The following EXOC7 variants were observed in gnomAD, a reference collection of about 807,000 sequenced individuals.
EXOC7 encodes the protein exocyst complex component Exo70.
EXOC7 carries 51 observed loss-of-function variants against 87.6 expected under a neutral mutation model. The observed-to-expected ratio is 0.58, with a 90% confidence interval of 0.46 to 0.73. EXOC7 has a LOEUF of 0.73. EXOC7 is among the 30% of genes least tolerant of loss of function. The pLI, the probability that EXOC7 is intolerant of heterozygous loss-of-function variation, is 0.00. For missense variants in EXOC7, 744 were observed against 888.4 expected (o/e 0.84, Z 2.07); for synonymous variants, 327 against 357.1 (o/e 0.92, Z 0.95).
At position 76,083,391 on chromosome 17, in the gene EXOC7, G is replaced by GC; in HGVS notation, c.*256dup. ...CCTTCTCTCTTTTCCTGTTTCAGAA[G>GC]CCATCAGGGTCATAAAAGCCAAGGT... On this transcript the variant is annotated 3_prime_UTR_variant, in exon 19 of 19. Transcript: ENST00000589210. 2.0e-6 allele frequency: 1 copy of GC among 492,348 alleles called. No homozygotes were observed. The highest frequency in any genetic ancestry group is 3.7e-6 in the Non-Finnish European group (1 of 270,192). The allele number at this position is 492,348 out of a possible 1,614,324, so 30.5% of individuals were successfully genotyped here.
rs1049520943 is a variant in EXOC7, at chr17:76,081,831, G to C, written c.*1817C>G. ...CTGGTGCTCAGCTCGCTGGGCACCA[G>C]AGACACAGGGACTGGCCCCTGAGCA... On this transcript the variant is annotated 3_prime_UTR_variant, in exon 19 of 19. Transcript: ENST00000589210. 11 of 1,610,440 alleles carry C rather than the reference G, an allele frequency of 6.8e-6. No individual in the cohort carries two copies. The highest frequency in any genetic ancestry group is 9.3e-6 in the Non-Finnish European group (11 of 1,177,508).
At chr17:76,103,223 T>C in intron 2 of EXOC7, 138 bp downstream of exon 2, 1 of 742,190 alleles carries the variant, frequency 1.3e-6, no homozygotes, top group Non-Finnish European at 2.3e-6. Context: ...GCCAAACTGT[T>C]GCTAGATAAA....
In EXOC7 at chr17:76,103,383, C is replaced by T; in HGVS notation, c.104G>A (p.Ser35Asn). Residue 35 changes from serine to asparagine, a missense_variant, in exon 2 of 19, where the codon AGC becomes AAC. Transcript: ENST00000589210. ...CACCATGTTCTTAGTGAGCTGGTCG[C>T]TCTTCTCCAGGCTGTCTCGGATGAA... ...LSFIRDSLEK[S>N]DQLTKNMVSI... The T allele has an allele frequency of 1.9e-6, 3 of 1,606,510 alleles. No individual in the cohort carries two copies. Among genetic ancestry groups the T allele is most frequent in the Non-Finnish European group, 1.7e-6 (2 of 1,176,646 alleles).
chr17:76,089,637 G>A (rs912813921), intron 7 of EXOC7: 35 of 414,372 alleles, frequency 8.4e-5, no homozygotes, highest in Non-Finnish European at 1.4e-5. Flanking sequence ...TCCTGGATAA[G>A]GTGGTTTGAC....
At chr17:76,089,027 G>C in intron 8 of EXOC7, 104 bp from the exon 9 acceptor site, 2 of 1,467,552 alleles carry the variant, frequency 1.4e-6, no homozygotes, top group Middle Eastern at 1.9e-4. Flanking sequence ...TGTGCAGGAA[G>C]AGGGGTGACG....
At chr17:76,101,602 T>G in intron 3 of EXOC7, 77 bp downstream of exon 3, 1 of 1,501,288 alleles carries the variant, frequency 6.7e-7, no homozygotes. Context: ...GCCTCCCAAA[T>G]TGTTGGGATT....
chr17:76,099,321 C>T (rs905713680), intron 4 of EXOC7, among the ~76,000 whole-genome samples: 4 of 152,162 alleles, frequency 2.6e-5, no homozygotes, highest in African/African-American at 9.7e-5. Context: ...GCCTGGCCAA[C>T]ATGGTGAAAC....
At chr17:76,090,576 C>G in intron 7 of EXOC7, 1 of 1,239,524 alleles carries the variant, frequency 8.1e-7, no homozygotes, top group Non-Finnish European at 1.1e-6. Flanking sequence ...ACCTTGGGAA[C>G]AGCCGTTTCA....
chr17:76,088,166 C>T, intron 10 of EXOC7, 44 bp from the exon 11 acceptor site: 9 of 1,594,368 alleles, frequency 5.6e-6, no homozygotes, highest in East Asian at 2.2e-5. Context: ...GCCCCCAGCC[C>T]ACCCCATGCC....
chr17:76,088,353 G>T, intron 10 of EXOC7, 111 bp downstream of exon 10: 1 of 1,147,664 alleles, frequency 8.7e-7, no homozygotes, highest in South Asian at 1.4e-5. Context: ...GGCGCAGCTG[G>T]CTGCCCCGGG....
rs377287252 is a variant in EXOC7 at position 76,097,922 on chromosome 17, C to A, written c.514G>T (p.Asp172Tyr). ...AGATCATCGTCACCACTGATCAGAT[C>A]CAAGATGAGCACGGGCGAGACGACC... ...SKVVSPVLIL[D>Y]LISGDDDLEA... The change falls in exon 5 of 19, where the codon GAT becomes TAT. Residue 172 changes from aspartate (D) to tyrosine (Y), a missense_variant. Transcript: ENST00000589210. 1.2e-4 allele frequency: 191 copies of A among 1,614,038 alleles called. 1 individual carries two copies. In the Middle Eastern group the frequency reaches 1.5e-3, roughly 13 times the overall value.
rs958598245 is a variant in EXOC7 at position 76,089,025 on chromosome 17, A to G, written c.1048-102T>C. ...GTATGTAGGGGGGCCAGTGTGCAGG[A>G]AGAGGGGTGACGGGGAGGTGGTGAG... On this transcript the variant is annotated intron_variant, in intron 8 of 18. Coordinates refer to ENST00000589210, the MANE Select transcript of EXOC7 (RefSeq NM_001013839.4). 27 of 1,467,900 alleles carry G rather than the reference A, an allele frequency of 1.8e-5. No homozygotes were observed. The Admixed American group carries it at 4.6e-4, about 25-fold the overall frequency. The allele number at this position is 1,467,900 out of a possible 1,614,324, so 90.9% of individuals were successfully genotyped here.
rs761306560 is a variant in EXOC7, at chr17:76,084,336, G to A, written c.1777-47C>T. 2.0e-5 allele frequency: 33 copies of A among 1,612,788 alleles called. 1 individual carries two copies. The East Asian group carries it at 7.4e-4, about 36-fold the overall frequency. On this transcript the variant is annotated intron_variant, in intron 16 of 18. Transcript: ENST00000589210. ...CAGAGAAAGCTCACTTCAGAGCAGA[G>A]CAGCCTTCCCCCACTCTTCCCCAAA... is the stretch of plus-strand genomic sequence containing the variant.
At chr17:76,087,390 G>GCACCGCTCCCAGAGTGAGGA (rs1427391437) in intron 12 of EXOC7, 1 of 540,976 alleles carries the variant, frequency 1.8e-6, no homozygotes, top group Non-Finnish European at 3.3e-6. Flanking sequence ...CAACCAACCA[G>GCACCGCTCCCAGAGTGAGGA]CACCGCTCCC....
At chr17:76,090,605 AC>A in intron 7 of EXOC7, 1 of 889,924 alleles carries the variant, frequency 1.1e-6, no homozygotes, top group Non-Finnish European at 1.7e-6. Flanking sequence ...TTCAGTGAGC[AC>A]CCAGGACCGT....
intron 12 of EXOC7, chr17:76,086,782 G>T: frequency 7.3e-7 from 1 of 1,379,234 alleles, no homozygotes; most frequent in Non-Finnish European, 1.0e-6. Context: ...GGTACTGAGA[G>T]TCAGTCCCCA....
chr17:76,094,315 C>A, intron 6 of EXOC7, 99 bp downstream of exon 6: 1 of 1,362,154 alleles, frequency 7.3e-7, no homozygotes, highest in Admixed American at 2.5e-5. Flanking sequence ...ACGACAAGCT[C>A]TGGAGGGGCC....
chr17:76,100,232 G>A (rs1016312427), intron 4 of EXOC7, among the ~76,000 whole-genome samples: 2 of 152,162 alleles, frequency 1.3e-5, no homozygotes, highest in Non-Finnish European at 2.9e-5. Flanking sequence ...TTTGATGGGA[G>A]TGGAGTTTCA....
At position 76,083,500 on chromosome 17, in the gene EXOC7, G is replaced by T; in HGVS notation, c.*148C>A. 1 of 724,606 alleles carries T rather than the reference G, an allele frequency of 1.4e-6. No homozygotes were observed. 44.9% of individuals were successfully genotyped at this position (724,606 alleles called of 1,614,324 possible). A position where few individuals can be genotyped will look rare whatever the true frequency, so the allele number is the denominator to read the frequency against. On this transcript the variant is annotated 3_prime_UTR_variant, in exon 19 of 19. Transcript: ENST00000589210. Reference sequence around the variant, plus strand: ...GGAAAAAGCAGGAGCCAGGACTAGGGGGCTCAGGGACACAGCTCCCGGAGG... The same window carrying T: ...GGAAAAAGCAGGAGCCAGGACTAGGTGGCTCAGGGACACAGCTCCCGGAGG...
Sources: gnomAD v4.1 joint callset for allele counts (sites outside exome capture counted in the v4.1 genomes callset) on GRCh38, gnomAD v4.1.1 for gene constraint, MANE v1.5 for transcripts, NCBI Gene and HGNC (gene_info 2026-07-23, HGNC 2026-07-21) for gene names.